Variants in GPATCH11 observed in about 807,000 individuals in gnomAD.
GPATCH11 encodes the protein G-patch domain containing 11, also known as G patch domain-containing protein 11.
A neutral mutation model predicts 44.8 loss-of-function variants in GPATCH11; 32 were observed. The ratio of observed to expected loss-of-function variants is 0.71; its 90% confidence interval spans 0.54 to 0.96. GPATCH11 has a LOEUF of 0.96. GPATCH11 is among the 40% of genes least tolerant of loss of function. The pLI is 0.00. For synonymous variants in GPATCH11, 84 were observed against 94.4 expected (o/e 0.89, Z 0.64); for missense variants, 324 against 303.1 (o/e 1.07, Z -0.51).
In GPATCH11 at chr2:37,096,296, T is replaced by G. The variant is rs1326041225; in HGVS notation, c.*33T>G. 1.5e-5 allele frequency: 20 copies of G among 1,373,694 alleles called. No homozygotes were observed. The highest frequency in any genetic ancestry group is 2.1e-5 in the Admixed American group (1 of 47,952). The allele number at this position is 1,373,694 out of a possible 1,614,324, so 85.1% of individuals were successfully genotyped here. On this transcript the variant is annotated 3_prime_UTR_variant, in exon 9 of 9. Transcript: ENST00000674370. ...CCCAATAAAGTGGAAACTTGAAAAA[T>G]GTTATTACTTCCTAGGGATAGACAA...
At chr2:37,085,524 T>C (rs1175041871) in intron 1 of GPATCH11, among the ~76,000 whole-genome samples, 1 of 152,180 alleles carries the variant, frequency 6.6e-6, no homozygotes, top group Non-Finnish European at 1.5e-5. Flanking sequence ...TAAAAATAGG[T>C]AAACTAAACT....
chr2:37,092,690 A>G (rs1320361589), intron 6 of GPATCH11, among the ~76,000 whole-genome samples: 5 of 151,630 alleles, frequency 3.3e-5, no homozygotes, highest in African/African-American at 1.2e-4. Context: ...AACTATAGTA[A>G]AACAAAAAGG....
rs919434547 is a variant in GPATCH11, at chr2:37,098,350, A to G, written c.*2087A>G. On this transcript the variant is annotated 3_prime_UTR_variant, in exon 9 of 9. Transcript: ENST00000674370. ...AAAAAAAAATTATATATATATATGT[A>G]TGTATATATATATATATATAGAGAG... 3.9e-5 allele frequency: 4 copies of G among 102,498 alleles called. No individual in the cohort carries two copies. The highest frequency in any genetic ancestry group is 8.9e-5 in the Non-Finnish European group (4 of 44,868). 6.3% of individuals were successfully genotyped at this position (102,498 alleles called of 1,614,324 possible).
At position 37,094,072 on chromosome 2, in the gene GPATCH11, G is replaced by A; in HGVS notation, c.541-10G>A. 6 of 1,502,126 alleles carry A rather than the reference G, an allele frequency of 4.0e-6. No individual in the cohort carries two copies. Among genetic ancestry groups the A allele is most frequent in the Non-Finnish European group, 5.5e-6 (6 of 1,086,660 alleles). The allele number at this position is 1,502,126 out of a possible 1,614,324, so 93.0% of individuals were successfully genotyped here. ...AGTATGTTTAATTGAGACTACTTCTGCATTTTCAGAATATTCAGGTTCCCA... is the reference window on the plus strand; with the variant it reads ...AGTATGTTTAATTGAGACTACTTCTACATTTTCAGAATATTCAGGTTCCCA... On this transcript the variant is annotated splice_polypyrimidine_tract_variant and intron_variant, in intron 6 of 8. Coordinates refer to ENST00000674370, the MANE Select transcript of GPATCH11 (RefSeq NM_174931.4).
intron 3 of GPATCH11, among the ~76,000 whole-genome samples, 200 bp downstream of exon 3, chr2:37,090,066 G>C (rs1350010146): frequency 2.0e-5 from 3 of 152,230 alleles, no homozygotes; most frequent in African/African-American, 7.2e-5. Context: ...GTGCCATCAA[G>C]AGCTGCTTAT....
At position 37,089,720 on chromosome 2, in the gene GPATCH11, A is replaced by G. The variant is rs772420854; in HGVS notation, c.140A>G (p.Asn47Ser). Residue 47 changes from asparagine (N) to serine (S), a missense_variant, in exon 3 of 9, where the codon AAT becomes AGT. Transcript: ENST00000674370. ...AAAGAAGAAAAGCAACAGGAAGCCA[A>G]TTTGAAAAACAGGCAGAAGAGTTTA... ...RRKEEKQQEA[N>S]LKNRQKSLKE... 15 of 1,551,816 alleles carry G rather than the reference A, an allele frequency of 9.7e-6. No homozygotes were observed. The East Asian group carries it at 3.4e-4, about 35-fold the overall frequency.
rs1406073831 is a variant in GPATCH11 at position 37,097,043 on chromosome 2, T to C, written c.*780T>C. On this transcript the variant is annotated 3_prime_UTR_variant, in exon 9 of 9. Transcript: ENST00000674370. ...ACTGTGATAATTTCTGGTAAAATCATGAGTTTTCATGACAATGTCTATATC... is the reference window on the plus strand; with the variant it reads ...ACTGTGATAATTTCTGGTAAAATCACGAGTTTTCATGACAATGTCTATATC... 1 of 152,200 alleles carries C rather than the reference T, an allele frequency of 6.6e-6. No individual in the cohort carries two copies. Among genetic ancestry groups the C allele is most frequent in the Admixed American group, 6.6e-5 (1 of 15,262 alleles). The allele number at this position is 152,200 out of a possible 1,614,324, so 9.4% of individuals were successfully genotyped here. A position where few individuals can be genotyped will look rare whatever the true frequency, so the allele number is the denominator to read the frequency against.
intron 6 of GPATCH11, among the ~76,000 whole-genome samples, chr2:37,092,589 A>G (rs1673390737): frequency 6.7e-6 from 1 of 149,814 alleles, no homozygotes; most frequent in African/African-American, 2.4e-5. Flanking sequence ...TGATATAAAA[A>G]TGGCTTATTA....
chr2:37,088,465 C>T (rs917189206), intron 2 of GPATCH11, 25 bp downstream of exon 2: 17 of 1,107,946 alleles, frequency 1.5e-5, no homozygotes, highest in African/African-American at 1.1e-4. Context: ...ACACCCAGTG[C>T]AATGATATGT....
At chr2:37,095,224 C>T (rs1673516275) in intron 7 of GPATCH11, among the ~76,000 whole-genome samples, 1 of 152,178 alleles carries the variant, frequency 6.6e-6, no homozygotes, top group Admixed American at 6.5e-5. Flanking sequence ...AACAAGCAGT[C>T]TCCATTGTGT....
chr2:37,090,692 G>A lies in GPATCH11; in HGVS notation c.298G>A (p.Val100Ile). 2 of 1,475,850 alleles carry A rather than the reference G, an allele frequency of 1.4e-6. No homozygotes were observed. Among genetic ancestry groups the A allele is most frequent in the Non-Finnish European group, 1.8e-6 (2 of 1,084,206 alleles). 91.4% of individuals were successfully genotyped at this position (1,475,850 alleles called of 1,614,324 possible). The change falls in exon 4 of 9, where the codon GTT becomes ATT. Residue 100 changes from valine to isoleucine, a missense_variant. Val to Ile is a conservative substitution (Grantham distance 29). Transcript: ENST00000674370. ...QALGKSGGGI[V>I]EPIPLNIKTG... ...TCATTCTCTTTAAGGGGGTGGTATT[G>A]TTGAACCAATTCCTCTCAATATCAA...
chr2:37,084,638 C>T, intron 1 of GPATCH11, 68 bp downstream of exon 1: 1 of 1,171,118 alleles, frequency 8.5e-7, no homozygotes, highest in Non-Finnish European at 1.1e-6. Flanking sequence ...GTGCGCTGGC[C>T]ATGACTACCG....
chr2:37,090,770 T>C (rs1359809101), intron 4 of GPATCH11, 48 bp downstream of exon 4: 1 of 905,232 alleles, frequency 1.1e-6, no homozygotes, highest in Non-Finnish European at 1.7e-6. Flanking sequence ...TAACTTACGC[T>C]TAGGTCTACC....
At chr2:37,092,558 G>A (rs879452056) in intron 6 of GPATCH11, among the ~76,000 whole-genome samples, 48 of 147,950 alleles carry the variant, frequency 3.2e-4, no homozygotes, top group Admixed American at 5.4e-4. Flanking sequence ...CATGTAATGT[G>A]CACTTCTGAT....
rs903968768 is a variant in GPATCH11, at chr2:37,095,447, A to C, written c.665A>C (p.Lys222Thr). ...YKSEDLSVLE[K>T]LQILTSYLRE... Reference sequence around the variant, plus strand: ...GCTTGTATCCTATAGGTACTGGAAAAATTACAAATATTGACTAGTTATTTA... The same window carrying C: ...GCTTGTATCCTATAGGTACTGGAAACATTACAAATATTGACTAGTTATTTA... The change falls in exon 8 of 9, where the codon AAA becomes ACA. Residue 222 changes from lysine to threonine, a missense_variant. By Grantham distance (78) the Lys-to-Thr change is moderately conservative. Coordinates refer to ENST00000674370, the MANE Select transcript of GPATCH11 (RefSeq NM_174931.4). 6.2e-7 allele frequency: 1 copy of C among 1,605,862 alleles called. No individual in the cohort carries two copies. Among genetic ancestry groups the C allele is most frequent in the South Asian group, 1.1e-5 (1 of 89,418 alleles).
At chr2:37,096,116 A>G in intron 8 of GPATCH11, 92 bp from the exon 9 acceptor site, 6 of 771,102 alleles carry the variant, frequency 7.8e-6, no homozygotes, top group Non-Finnish European at 1.3e-5. Flanking sequence ...AGTAGAAAAC[A>G]TCAGATCAAA....
intron 7 of GPATCH11, among the ~76,000 whole-genome samples, chr2:37,094,489 A>G (rs1361805931): frequency 6.6e-6 from 1 of 152,212 alleles, no homozygotes; most frequent in Non-Finnish European, 1.5e-5. Context: ...TTTTCCCTTT[A>G]GCTTCCATTT....
rs1673585262 is a variant in GPATCH11 at position 37,096,364 on chromosome 2, A to G, written c.*101A>G. 1 of 699,798 alleles carries G rather than the reference A, an allele frequency of 1.4e-6. No individual in the cohort carries two copies. Among genetic ancestry groups the G allele is most frequent in the Admixed American group, 3.0e-5 (1 of 32,846 alleles). 43.3% of individuals were successfully genotyped at this position (699,798 alleles called of 1,614,324 possible). A position where few individuals can be genotyped will look rare whatever the true frequency, so the allele number is the denominator to read the frequency against. On this transcript the variant is annotated 3_prime_UTR_variant, in exon 9 of 9. Coordinates refer to ENST00000674370, the MANE Select transcript of GPATCH11 (RefSeq NM_174931.4). ...TCAAATTTTTTATGCCAGTAAAGAA[A>G]GGGGGACTTTATATAATGTTTTGTT... is the stretch of plus-strand genomic sequence containing the variant.
chr2:37,090,649 T>G (rs1673272153), intron 3 of GPATCH11, 32 bp from the exon 4 acceptor site: 1 of 1,366,734 alleles, frequency 7.3e-7, no homozygotes, highest in Admixed American at 2.1e-5. Flanking sequence ...GAGGAAAATT[T>G]TCTAAAATAG....
Sources: allele counts gnomAD v4.1 joint callset (sites outside exome capture counted in the v4.1 genomes callset), GRCh38; gene constraint gnomAD v4.1.1; transcripts MANE v1.5; gene names NCBI Gene and HGNC (gene_info 2026-07-23, HGNC 2026-07-21).